Variants in DNAI3 observed in about 807,000 individuals in gnomAD.
DNAI3 encodes dynein axonemal intermediate chain 3, also known as WD repeat domain 63.
A neutral mutation model predicts 115.5 loss-of-function variants in DNAI3; 83 were observed. That is an observed-to-expected ratio of 0.72 (90% CI 0.60 to 0.86). DNAI3 has a LOEUF of 0.86. DNAI3 is among the 40% of genes least tolerant of loss of function. The pLI is 0.00. For missense variants in DNAI3, 1,004 were observed against 1,075.8 expected, an observed-to-expected ratio of 0.93 and a Z score of 0.93; for synonymous variants, 320 against 347.0, an observed-to-expected ratio of 0.92 and a Z score of 0.86.
intron 16 of DNAI3, among the ~76,000 whole-genome samples, chr1:85,117,189 G>C (rs1318300519): frequency 6.6e-6 from 1 of 152,014 alleles, no homozygotes; most frequent in Non-Finnish European, 1.5e-5. Context: ...TTAGGACATA[G>C]CTTTAAGAGA....
At chr1:85,065,432 G>A (rs140475315) in intron 1 of DNAI3, among the ~76,000 whole-genome samples, 9 of 152,260 alleles carry the variant, frequency 5.9e-5, no homozygotes, top group African/African-American at 1.7e-4. Flanking sequence ...GGACACAAAC[G>A]TTTTTAAAGG....
At chr1:85,129,923 C>G (rs973323748) in intron 21 of DNAI3, 67 bp from the exon 22 acceptor site, 27 of 1,515,784 alleles carry the variant, frequency 1.8e-5, no homozygotes, top group Non-Finnish European at 2.4e-5. Flanking sequence ...GAAATTCTAA[C>G]AGAGCCTTGT....
In DNAI3 at chr1:85,098,520, T is replaced by C; in HGVS notation, c.1351-10T>C. Reference sequence around the variant, plus strand: ...AAATTAGCACTTAACTTTCTTTTAATATTTTTCAGCCTATGTTTCTCCTTG... The same window carrying C: ...AAATTAGCACTTAACTTTCTTTTAACATTTTTCAGCCTATGTTTCTCCTTG... On this transcript the variant is annotated splice_polypyrimidine_tract_variant and intron_variant, in intron 12 of 22. Coordinates refer to ENST00000294664, the MANE Select transcript of DNAI3 (RefSeq NM_145172.5). 1 of 1,607,348 alleles carries C rather than the reference T, an allele frequency of 6.2e-7. No homozygotes were observed. Among genetic ancestry groups the C allele is most frequent in the Non-Finnish European group, 8.5e-7 (1 of 1,178,214 alleles).
intron 1 of DNAI3, among the ~76,000 whole-genome samples, chr1:85,062,754 C>T (rs1183953151): frequency 2.6e-5 from 4 of 152,156 alleles, no homozygotes; most frequent in East Asian, 3.8e-4. Context: ...CAGTGACTAT[C>T]ATATTGCCTA....
At position 85,124,234 on chromosome 1, in the gene DNAI3, T is replaced by C; in HGVS notation, c.2095T>C (p.Trp699Arg). The C allele has an allele frequency of 6.3e-7, 1 of 1,592,118 alleles. No homozygotes were observed. The highest frequency in any genetic ancestry group is 8.5e-7 in the Non-Finnish European group (1 of 1,171,882). The change falls in exon 19 of 23, where the codon TGG (tryptophan) becomes CGG (arginine). Residue 699 changes from tryptophan to arginine, a missense_variant. Coordinates refer to ENST00000294664, the MANE Select transcript of DNAI3 (RefSeq NM_145172.5). ...GGTTGGAGGTTGGAACGTGGCCATATGGAAAGAAGGTGTTATGGTAAGTTG... is the reference window on the plus strand; with the variant it reads ...GGTTGGAGGTTGGAACGTGGCCATACGGAAAGAAGGTGTTATGGTAAGTTG... ...LTVGGWNVAI[W>R]KEGVMTGPLL...
chr1:85,119,353 C>T lies in DNAI3; in HGVS notation c.1917+1494C>T, dbSNP rs575520266. 1.1e-3 allele frequency among the ~76,000 whole-genome samples: 175 copies of T among 152,318 alleles called. 4 individuals carry two copies. The South Asian group carries it at 0.019, about 17-fold the overall frequency. ...AACTCCCTCTTCCTTTCTTTCCCTA[C>T]CCACTTGTAACCACCATCTACTTTC... is the stretch of plus-strand genomic sequence containing the variant. On this transcript the variant is annotated intron_variant, in intron 17 of 22. Coordinates refer to ENST00000294664, the MANE Select transcript of DNAI3 (RefSeq NM_145172.5).
chr1:85,086,829 C>A (rs1045947219), intron 7 of DNAI3, among the ~76,000 whole-genome samples: 1 of 151,946 alleles, frequency 6.6e-6, no homozygotes, highest in African/African-American at 2.4e-5. Flanking sequence ...CATAGAGAAG[C>A]CCTGGTAATC....
At chr1:85,087,219 C>T (rs560606205) in intron 7 of DNAI3, among the ~76,000 whole-genome samples, 18 of 152,046 alleles carry the variant, frequency 1.2e-4, no homozygotes, top group East Asian at 1.2e-3. Flanking sequence ...GGGCTGATCA[C>T]GAGGTCAAGA....
chr1:85,110,152 A>AT lies in DNAI3; in HGVS notation c.1786+20dup. The AT allele has an allele frequency of 6.4e-7, 1 of 1,566,774 alleles. No homozygotes were observed. The highest frequency in any genetic ancestry group is 8.7e-7 in the Non-Finnish European group (1 of 1,148,382). The stretch of plus-strand genomic sequence containing the variant: ...AAACACAAGGTAACTGCCTTTGCTT[A>AT]TTTAAAAAAAAAAAAAAGGCCGGGC... On this transcript the variant is annotated intron_variant, in intron 16 of 22. Coordinates refer to ENST00000294664, the MANE Select transcript of DNAI3 (RefSeq NM_145172.5).
At chr1:85,128,601 G>A (rs1311868313) in intron 20 of DNAI3, 107 bp from the exon 21 acceptor site, 2 of 812,376 alleles carry the variant, frequency 2.5e-6, no homozygotes, top group Non-Finnish European at 4.0e-6. Context: ...TGGAACCACA[G>A]CAGGTCCTTT....
intron 1 of DNAI3, among the ~76,000 whole-genome samples, chr1:85,067,660 T>C (rs1185721968): frequency 6.6e-6 from 1 of 152,176 alleles, no homozygotes; most frequent in Non-Finnish European, 1.5e-5. Flanking sequence ...GAGATTATCC[T>C]GGATTATCTA....
intron 1 of DNAI3, among the ~76,000 whole-genome samples, chr1:85,071,117 T>G (rs1362601365): frequency 6.6e-6 from 1 of 152,256 alleles, no homozygotes; most frequent in Non-Finnish European, 1.5e-5. Context: ...AATCACCTTG[T>G]GGGGTAGATT....
At chr1:85,092,317 G>T (rs1655002048) in intron 8 of DNAI3, among the ~76,000 whole-genome samples, 1 of 152,122 alleles carries the variant, frequency 6.6e-6, no homozygotes, top group African/African-American at 2.4e-5. Flanking sequence ...AATGACAGGG[G>T]TATCAAACGG....
intron 1 of DNAI3, among the ~76,000 whole-genome samples, chr1:85,070,472 A>G (rs537003886): frequency 8.6e-6 from 1 of 116,074 alleles, no homozygotes; most frequent in South Asian, 3.7e-4. Context: ...CAGGAGAGTC[A>G]CCTGAACCTC....
intron 16 of DNAI3, among the ~76,000 whole-genome samples, chr1:85,110,483 ACATTT>A (rs1655626612): frequency 6.7e-6 from 1 of 150,250 alleles, no homozygotes; most frequent in Non-Finnish European, 1.5e-5. Flanking sequence ...ATAAATAAAT[ACATTT>A]ACTAATTTGA....
intron 11 of DNAI3, among the ~76,000 whole-genome samples, chr1:85,096,458 G>GTATA (rs200214106): frequency 1.1e-4 from 16 of 146,510 alleles, no homozygotes; most frequent in East Asian, 5.9e-4. Flanking sequence ...ATATATGTGT[G>GTATA]TATATATATA....
chr1:85,130,330 A>C (rs1188632583), intron 22 of DNAI3: 2 of 616,718 alleles, frequency 3.2e-6, no homozygotes, highest in Admixed American at 6.8e-5. Flanking sequence ...AATTTTCTAT[A>C]ATTTCAAAGT....
intron 17 of DNAI3, among the ~76,000 whole-genome samples, chr1:85,121,330 A>G (rs1655988497): frequency 6.6e-6 from 1 of 152,230 alleles, no homozygotes; most frequent in South Asian, 2.1e-4. Context: ...ACTACCATGT[A>G]TGCATTCATA....
chr1:85,072,749 A>C (rs778100464), intron 2 of DNAI3, among the ~76,000 whole-genome samples: 20 of 151,532 alleles, frequency 1.3e-4, no homozygotes, highest in Non-Finnish European at 2.1e-4. Flanking sequence ...AGGTCAGGAG[A>C]TGGAGACCAT....
Sources: allele counts gnomAD v4.1 joint callset (sites outside exome capture counted in the v4.1 genomes callset), GRCh38; gene constraint gnomAD v4.1.1; transcripts MANE v1.5; gene names NCBI Gene and HGNC (gene_info 2026-07-23, HGNC 2026-07-21).